The following ATF6B variants were observed in gnomAD, a reference collection of about 807,000 sequenced individuals.
ATF6B encodes the protein activating transcription factor 6 beta.
ATF6B carries 50 observed loss-of-function variants against 83.5 expected under a neutral mutation model. The observed-to-expected ratio is 0.60, with a 90% CI of 0.48 to 0.76. The LOEUF is 0.76. Ranked by LOEUF, ATF6B falls within the 30% of genes least tolerant of loss-of-function variation. ATF6B has a pLI of 0.00. For missense variants in ATF6B, 790 were observed against 893.8 expected, an observed-to-expected ratio of 0.88 and a Z score of 1.48; for synonymous variants, 344 against 362.8, an observed-to-expected ratio of 0.95 and a Z score of 0.59.
Position 32,121,004 on chromosome 6 carries a change from G to A in ATF6B, c.685C>T (p.Leu229Phe), listed in dbSNP as rs766707997. 2 of 1,524,152 alleles carry A rather than the reference G, an allele frequency of 1.3e-6. No homozygotes were observed. Among genetic ancestry groups the A allele is most frequent in the Non-Finnish European group, 1.8e-6 (2 of 1,137,878 alleles). 94.4% of individuals were successfully genotyped at this position (1,524,152 alleles called of 1,614,324 possible). ...ACTCCATTACCTGAGGAGCCATCAA[G>A]GGATGGGCCCATGCTGATCTGGACA... ...GAVQISMGPS[L>F]DGSSGKALPT... The change falls in exon 7 of 18, where the codon CTT (leucine) becomes TTT (phenylalanine). Residue 229 changes from leucine to phenylalanine, a missense_variant. Leu to Phe is a conservative substitution (Grantham distance 22). Coordinates refer to ENST00000375203, the MANE Select transcript of ATF6B (RefSeq NM_004381.5).
At position 32,126,101 on chromosome 6, in the gene ATF6B, C is replaced by A. The variant is rs749785081; in HGVS notation, c.478+16G>T. 1.9e-6 allele frequency: 3 copies of A among 1,613,802 alleles called. No homozygotes were observed. The African/African-American group carries it at 4.0e-5, about 22-fold the overall frequency. Reference sequence around the variant, plus strand: ...CCGTAGTAGAGCCAAGGATTGGGGGCAGGCTGTTTTATTACCTGAGGAATC... The same window carrying A: ...CCGTAGTAGAGCCAAGGATTGGGGGAAGGCTGTTTTATTACCTGAGGAATC... On this transcript the variant is annotated intron_variant, in intron 5 of 17. Coordinates refer to ENST00000375203, the MANE Select transcript of ATF6B (RefSeq NM_004381.5).
In ATF6B at chr6:32,117,556, G is replaced by C. The variant is rs371483988; in HGVS notation, c.1532+31C>G. The C allele has an allele frequency of 9.3e-6, 15 of 1,607,756 alleles. No individual in the cohort carries two copies. The African/African-American group carries it at 1.7e-4, about 19-fold the overall frequency. On this transcript the variant is annotated intron_variant, in intron 13 of 17. Coordinates refer to ENST00000375203, the MANE Select transcript of ATF6B (RefSeq NM_004381.5). This position sits in a 1 kb window ranked among gnomAD's most constrained non-coding sequence, Gnocchi z 5.0. ...TGCAGAAGGCCTTGGGAGGCCGGGG[G>C]AGCTGGATGCCCCAGCAATGAATCC...
Position 32,118,131 on chromosome 6 carries a change from T to C in ATF6B, c.1245-93A>G. The C allele has an allele frequency of 6.8e-7, 1 of 1,467,808 alleles. No individual in the cohort carries two copies. Among genetic ancestry groups the C allele is most frequent in the Middle Eastern group, 2.1e-4 (1 of 4,848 alleles). 90.9% of individuals were successfully genotyped at this position (1,467,808 alleles called of 1,614,324 possible). A position where few individuals can be genotyped will look rare whatever the true frequency, so the allele number is the denominator to read the frequency against. On this transcript the variant is annotated intron_variant, in intron 11 of 17. Transcript: ENST00000375203. This position sits in a 1 kb window ranked among gnomAD's most constrained non-coding sequence, Gnocchi z 5.2. ...AGACTCTGCAGATGGACTGCTTGAGTTGCAATCTGTTATACAAGCCTGAGT... is the reference window on the plus strand; with the variant it reads ...AGACTCTGCAGATGGACTGCTTGAGCTGCAATCTGTTATACAAGCCTGAGT...
rs1050865402 is a variant in ATF6B at position 32,125,387 on chromosome 6, G to A, written c.478+730C>T. Among the ~76,000 whole-genome samples the A allele has an allele frequency of 6.6e-6, 1 of 152,126 alleles. No individual in the cohort carries two copies. The highest frequency in any genetic ancestry group is 1.5e-5 in the Non-Finnish European group (1 of 68,028). On this transcript the variant is annotated intron_variant, in intron 5 of 17. Coordinates refer to ENST00000375203, the MANE Select transcript of ATF6B (RefSeq NM_004381.5). The surrounding 1 kb of genome is among the most constrained non-coding windows in gnomAD (Gnocchi z 4.1). ...CACAGCTACGAGTAAATAAACTTGGGAACACTTTAAAAATAGAACAAATAA... is the reference window on the plus strand; with the variant it reads ...CACAGCTACGAGTAAATAAACTTGGAAACACTTTAAAAATAGAACAAATAA...
In ATF6B at chr6:32,117,024, A is replaced by G; in HGVS notation, c.1685+13T>C. ...ATTTCACTTAATAAGTAAGCACCCCACCCCACACTCACCTTTCTGGGGGTC... is the reference window on the plus strand; with the variant it reads ...ATTTCACTTAATAAGTAAGCACCCCGCCCCACACTCACCTTTCTGGGGGTC... On this transcript the variant is annotated intron_variant, in intron 15 of 17. Transcript: ENST00000375203. The surrounding 1 kb of genome is among the most constrained non-coding windows in gnomAD (Gnocchi z 5.0). 6.2e-7 allele frequency: 1 copy of G among 1,613,184 alleles called. No homozygotes were observed. Among genetic ancestry groups the G allele is most frequent in the East Asian group, 2.2e-5 (1 of 44,872 alleles).
intron 4 of ATF6B, 86 bp downstream of exon 4, chr6:32,127,017 T>A: frequency 8.1e-7 from 1 of 1,229,750 alleles, no homozygotes; most frequent in Non-Finnish European, 1.1e-6. Context: ...ACACAAATCA[T>A]TTAAATCATT....
At chr6:32,126,978 C>A in intron 4 of ATF6B, 125 bp downstream of exon 4, 1 of 739,290 alleles carries the variant, frequency 1.4e-6, no homozygotes, top group Non-Finnish European at 1.9e-6. Flanking sequence ...GAAGGCCCCC[C>A]ACACCTCACA....
In ATF6B at chr6:32,116,734, T is replaced by C; in HGVS notation, c.1767A>G (p.Glu589=). The change falls in exon 16 of 18, where the codon GAA becomes GAG. Residue 589 remains glutamate, a synonymous_variant. Transcript: ENST00000375203. This position sits in a 1 kb window ranked among gnomAD's most constrained non-coding sequence, Gnocchi z 5.1. ...PAFLDAIDRR[E]DTFYVVSFRR... ...GGAAAGAGACAACATAAAATGTGTC[T>C]TCCCGTCGGTCAATTGCATCCAAGA... The C allele has an allele frequency of 6.2e-7, 1 of 1,614,164 alleles. No individual in the cohort carries two copies. The highest frequency in any genetic ancestry group is 8.5e-7 in the Non-Finnish European group (1 of 1,180,018).
chr6:32,124,017 T>C (rs1781867984), intron 5 of ATF6B, among the ~76,000 whole-genome samples: 1 of 152,060 alleles, frequency 6.6e-6, no homozygotes, highest in Non-Finnish European at 1.5e-5. Flanking sequence ...CAGCCTAACA[T>C]GAAAGAAGCC....
In ATF6B at chr6:32,118,912, G is replaced by A. The variant is rs757344030; in HGVS notation, c.1152+44C>T. On this transcript the variant is annotated intron_variant, in intron 10 of 17. Transcript: ENST00000375203. This position sits in a 1 kb window ranked among gnomAD's most constrained non-coding sequence, Gnocchi z 5.2. ...CAAGAAAAAGGGGAATCATTCCAAGGAGGCTGTATTCCTGTTGGTCTCCCA... is the reference window on the plus strand; with the variant it reads ...CAAGAAAAAGGGGAATCATTCCAAGAAGGCTGTATTCCTGTTGGTCTCCCA... 2.6e-5 allele frequency: 42 copies of A among 1,614,018 alleles called. No individual in the cohort carries two copies. The South Asian group carries it at 4.5e-4, about 17-fold the overall frequency.
In ATF6B at chr6:32,116,875, G is replaced by A; in HGVS notation, c.1686-60C>T. 6.3e-7 allele frequency: 1 copy of A among 1,583,074 alleles called. No homozygotes were observed. The highest frequency in any genetic ancestry group is 8.7e-7 in the Non-Finnish European group (1 of 1,152,570). ...TAAGCCCAATGCTCAGTTTCTACCAGGGAAGCGGGTAGGATGAGAGAAAAA... is the reference window on the plus strand; with the variant it reads ...TAAGCCCAATGCTCAGTTTCTACCAAGGAAGCGGGTAGGATGAGAGAAAAA... On this transcript the variant is annotated intron_variant, in intron 15 of 17. Transcript: ENST00000375203. The surrounding 1 kb of genome is among the most constrained non-coding windows in gnomAD (Gnocchi z 5.1).
chr6:32,121,111 T>C lies in ATF6B; in HGVS notation c.578A>G (p.Glu193Gly). Residue 193 changes from glutamate to glycine, a missense_variant, in exon 7 of 18, where the codon GAG (glutamate) becomes GGG (glycine). Physicochemically the swap from Glu to Gly is moderately conservative, Grantham distance 98. Coordinates refer to ENST00000375203, the MANE Select transcript of ATF6B (RefSeq NM_004381.5). ...ADSSSQAFIG[E>G]EVLEVKTESL... ...CTCTGTCTTCACTTCCAGGACCTCCTCTCCTATAAAAGCCTATGTGGGGCA... is the reference window on the plus strand; with the variant it reads ...CTCTGTCTTCACTTCCAGGACCTCCCCTCCTATAAAAGCCTATGTGGGGCA... 1 of 1,575,952 alleles carries C rather than the reference T, an allele frequency of 6.3e-7. No individual in the cohort carries two copies. Among genetic ancestry groups the C allele is most frequent in the Non-Finnish European group, 8.6e-7 (1 of 1,162,426 alleles).
chr6:32,123,370 G>A (rs1582531978), intron 5 of ATF6B, among the ~76,000 whole-genome samples: 1 of 152,114 alleles, frequency 6.6e-6, no homozygotes, highest in East Asian at 1.9e-4. Flanking sequence ...TAAGTATGGA[G>A]GAGAATCTGA....
chr6:32,121,675 T>A (rs1474340995), intron 5 of ATF6B, among the ~76,000 whole-genome samples: 1 of 152,154 alleles, frequency 6.6e-6, no homozygotes, highest in African/African-American at 2.4e-5. Flanking sequence ...CACTCCAGCC[T>A]GGGCAAGAAG....
rs757950778 is a variant in ATF6B, at chr6:32,121,072, G to A, written c.617C>T (p.Ser206Leu). ...LEVKTESLSP[S>L]GCLLWDVPAP... ...TGGGACATCCCACAGGAGGCATCCT[G>A]AAGGGGACAGGGACTCTGTCTTCAC... Residue 206 changes from serine to leucine, a missense_variant, in exon 7 of 18, where the codon TCA becomes TTA. Ser to Leu is a moderately radical substitution (Grantham distance 145, BLOSUM62 -2). Around this residue, in one of 3 missense-constraint regions of ATF6B, gnomAD observed 7 missense variants for 18.1 expected, o/e 0.39. Transcript: ENST00000375203. 2 of 1,565,638 alleles carry A rather than the reference G, an allele frequency of 1.3e-6. No individual in the cohort carries two copies. The highest frequency in any genetic ancestry group is 1.7e-6 in the Non-Finnish European group (2 of 1,158,274).
At position 32,117,969 on chromosome 6, in the gene ATF6B, G is replaced by A. The variant is rs1164974050; in HGVS notation, c.1314C>T (p.His438=). Reference sequence around the variant, plus strand: ...GCTCTTGCTCTGAGAACCCCAGCAAGTGTCTCCGGGGTTGAGGCTCCCCCT... The same window carrying A: ...GCTCTTGCTCTGAGAACCCCAGCAAATGTCTCCGGGGTTGAGGCTCCCCCT... ...MNKGEPQPRR[H]LLGFSEQEPV... Residue 438 remains histidine, a synonymous_variant, in exon 12 of 18, where the codon CAC becomes CAT. Coordinates refer to ENST00000375203, the MANE Select transcript of ATF6B (RefSeq NM_004381.5). This position sits in a 1 kb window ranked among gnomAD's most constrained non-coding sequence, Gnocchi z 5.0. 1.4e-5 allele frequency: 23 copies of A among 1,613,828 alleles called. No individual in the cohort carries two copies. Among genetic ancestry groups the A allele is most frequent in the Non-Finnish European group, 1.5e-5 (18 of 1,179,950 alleles).
At position 32,117,261 on chromosome 6, in the gene ATF6B, C is replaced by T; in HGVS notation, c.1614+62G>A. ...ACAGCGAGATGCCCACTAGAAATCC[C>T]CAGACAAGGCCTTTAGCCCTTGTCT... is the stretch of plus-strand genomic sequence containing the variant. On this transcript the variant is annotated intron_variant, in intron 14 of 17. Transcript: ENST00000375203. This position sits in a 1 kb window ranked among gnomAD's most constrained non-coding sequence, Gnocchi z 5.0. 6.3e-7 allele frequency: 1 copy of T among 1,576,120 alleles called. No homozygotes were observed. Among genetic ancestry groups the T allele is most frequent in the Non-Finnish European group, 8.7e-7 (1 of 1,154,192 alleles).
At chr6:32,122,911 T>TAAC (rs1781821156) in intron 5 of ATF6B, among the ~76,000 whole-genome samples, 1 of 139,246 alleles carries the variant, frequency 7.2e-6, no homozygotes, top group Non-Finnish European at 1.5e-5. Context: ...TACACAGAGA[T>TAAC]AACCACTATC....
chr6:32,117,027 C>T lies in ATF6B; in HGVS notation c.1685+10G>A. 2 of 1,613,550 alleles carry T rather than the reference C, an allele frequency of 1.2e-6. No individual in the cohort carries two copies. The highest frequency in any genetic ancestry group is 1.7e-6 in the Non-Finnish European group (2 of 1,179,580). ...TCACTTAATAAGTAAGCACCCCACCCCACACTCACCTTTCTGGGGGTCCAG... is the reference window on the plus strand; with the variant it reads ...TCACTTAATAAGTAAGCACCCCACCTCACACTCACCTTTCTGGGGGTCCAG... On this transcript the variant is annotated intron_variant, in intron 15 of 17. Transcript: ENST00000375203. This position sits in a 1 kb window ranked among gnomAD's most constrained non-coding sequence, Gnocchi z 5.0.
Sources: allele counts gnomAD v4.1 joint callset (sites outside exome capture counted in the v4.1 genomes callset), GRCh38; gene constraint gnomAD v4.1.1; regional missense constraint gnomAD v4.1.1; non-coding constraint Gnocchi (gnomAD v3.1); transcripts MANE v1.5; gene names NCBI Gene and HGNC (gene_info 2026-07-23, HGNC 2026-07-21).